The following C2orf78 variants were observed in gnomAD, a reference collection of about 807,000 sequenced individuals.
The protein encoded by C2orf78 is chromosome 2 open reading frame 78.
C2orf78 carries 12 observed loss-of-function variants against 21.4 expected under a neutral mutation model. The ratio of observed to expected loss-of-function variants is 0.56; its 90% CI spans 0.36 to 0.91. C2orf78 has a LOEUF of 0.91. Ranked by LOEUF, C2orf78 falls within the 40% of genes least tolerant of loss-of-function variation. The pLI is 0.01. For synonymous variants in C2orf78, 396 were observed against 413.9 expected, an observed-to-expected ratio of 0.96 and a Z score of 0.52; for missense variants, 1,042 against 1,092.4, an observed-to-expected ratio of 0.95 and a Z score of 0.65.
chr2:73,816,659 A>G (rs750487933), exon 3 of C2orf78: 3 of 1,613,868 alleles, frequency 1.9e-6, no homozygotes, highest in Admixed American at 1.7e-5. Flanking sequence ...CTTCTAGGCC[A>G]TCAGCCTACA....
At chr2:73,786,265 C>G (rs979000482) in intron 1 of C2orf78, among the ~76,000 whole-genome samples, 1 of 150,168 alleles carries the variant, frequency 6.7e-6, no homozygotes, top group African/African-American at 2.5e-5. Context: ...CTGTAATCCT[C>G]CTACTTGGGA....
exon 3 of C2orf78, chr2:73,817,073 TA>T: frequency 2.9e-6 from 4 of 1,363,372 alleles, no homozygotes; most frequent in South Asian, 1.8e-5. Context: ...TATTCTGATA[TA>T]TTTTTAAAAC....
exon 3 of C2orf78, chr2:73,815,381 A>G: frequency 6.2e-7 from 1 of 1,613,902 alleles, no homozygotes; most frequent in South Asian, 1.1e-5. Context: ...AAGATCCTCC[A>G]CTACTTCCTG....
At position 73,798,181 on chromosome 2, in the gene C2orf78, C is replaced by T. The variant is rs1355762459; in HGVS notation, c.97+13775C>T. Among the ~76,000 whole-genome samples the T allele has an allele frequency of 2.2e-5, 3 of 133,892 alleles. No individual in the cohort carries two copies. The East Asian group carries it at 6.3e-4, about 28-fold the overall frequency. 87.8% of individuals were successfully genotyped at this position (133,892 alleles called of 152,430 possible). ...CATTAAAAGCGGCAGTGGGGCCAGGCGCGGTGGCTCCCGCCTGTAATCCCA... is the reference window on the plus strand; with the variant it reads ...CATTAAAAGCGGCAGTGGGGCCAGGTGCGGTGGCTCCCGCCTGTAATCCCA... On this transcript the variant is annotated intron_variant, in intron 1 of 2. Coordinates refer to ENST00000409561, the Ensembl canonical transcript of C2orf78.
At chr2:73,815,469 G>A (rs760458331) in exon 3 of C2orf78, 2 of 1,613,770 alleles carry the variant, frequency 1.2e-6, no homozygotes, top group African/African-American at 2.7e-5. Context: ...TTCTGAAAAT[G>A]CCAATCTAAG....
At chr2:73,815,035 T>C in intron 2 of C2orf78, 36 bp from the exon 3 acceptor site, 1 of 1,571,032 alleles carries the variant, frequency 6.4e-7, no homozygotes, top group Non-Finnish European at 8.6e-7. Flanking sequence ...GCATCTCACT[T>C]ACCAGGGACT....
Position 73,815,413 on chromosome 2 carries a change from C to T in C2orf78, c.1190C>T (p.Pro397Leu), listed in dbSNP as rs373605162. The T allele has an allele frequency of 2.7e-5, 44 of 1,613,808 alleles. No individual in the cohort carries two copies. In the African/African-American group the frequency reaches 2.9e-4, roughly 11 times the overall value. ...CCTGTAGAAATCCCCGATATTCACC[C>T]GCTTCTGGCCTGCATTGATCCTCTT... Residue 397 changes from proline to leucine, a missense_variant, in exon 3 of 3, where the codon CCG (proline) becomes CTG (leucine). Physicochemically the swap from Pro to Leu is moderately conservative, Grantham distance 98 (BLOSUM62 -3). Around this residue, in one of 2 missense-constraint regions of C2orf78, gnomAD observed 1,039 missense variants for 1,069.7 expected, o/e 0.97. Transcript: ENST00000409561.
chr2:73,810,536 A>AAT (rs35269780), intron 1 of C2orf78, among the ~76,000 whole-genome samples: 6,053 of 135,446 alleles, frequency 0.045, 160 homozygotes, highest in Middle Eastern at 0.11. Flanking sequence ...TCAAAAAGAA[A>AAT]ATATATATAT....
intron 1 of C2orf78, among the ~76,000 whole-genome samples, chr2:73,809,565 G>A (rs544170530): frequency 1.2e-4 from 18 of 152,004 alleles, no homozygotes; most frequent in East Asian, 5.8e-4. Flanking sequence ...TGGGAGGATC[G>A]CTTTGGGCCT....
chr2:73,817,135 C>A, exon 3 of C2orf78: 5 of 867,660 alleles, frequency 5.8e-6, no homozygotes, highest in Non-Finnish European at 7.8e-6. Context: ...ATAAAGAGGC[C>A]TTTTGAGTTT....
Position 73,784,530 on chromosome 2 carries a change from G to A in C2orf78, c.97+124G>A, listed in dbSNP as rs1167759975. 20 of 618,706 alleles carry A rather than the reference G, an allele frequency of 3.2e-5. 1 individual carries two copies. The highest frequency in any genetic ancestry group is 4.8e-5 in the Non-Finnish European group (18 of 371,780). 38.3% of individuals were successfully genotyped at this position (618,706 alleles called of 1,614,324 possible). On this transcript the variant is annotated intron_variant, in intron 1 of 2. Transcript: ENST00000409561. ...GGGAAAGTATTGAAGTAGAAATCCA[G>A]AGACCTCATTTCAGTTTTGGCTTTG...
At chr2:73,813,793 G>T in exon 2 of C2orf78, 1 of 1,614,046 alleles carries the variant, frequency 6.2e-7, no homozygotes, top group Non-Finnish European at 8.5e-7. Context: ...CAGTAAAGAA[G>T]TCATCCTCAC....
At chr2:73,810,781 A>G (rs1449185701) in intron 1 of C2orf78, among the ~76,000 whole-genome samples, 2 of 120,962 alleles carry the variant, frequency 1.7e-5, no homozygotes, top group Admixed American at 1.0e-4. Context: ...TATAAAATAT[A>G]CATGTATATT....
chr2:73,810,124 T>TAG (rs1673048673), intron 1 of C2orf78, among the ~76,000 whole-genome samples: 3 of 152,208 alleles, frequency 2.0e-5, no homozygotes, highest in Admixed American at 2.0e-4. Flanking sequence ...CAGGCTAGAA[T>TAG]AGAGTATCCC....
intron 1 of C2orf78, among the ~76,000 whole-genome samples, chr2:73,809,845 G>C (rs1282193976): frequency 6.6e-6 from 1 of 152,126 alleles, no homozygotes; most frequent in Non-Finnish European, 1.5e-5. Flanking sequence ...TCTAAACTAG[G>C]TGGAAAGAGA....
At chr2:73,808,211 G>A (rs1672998550) in intron 1 of C2orf78, among the ~76,000 whole-genome samples, 1 of 150,980 alleles carries the variant, frequency 6.6e-6, no homozygotes, top group South Asian at 2.1e-4. Flanking sequence ...CCAAGATCAC[G>A]CCACTGCACT....
chr2:73,810,599 AAATATATATATTTTATATATATACAT>A (rs1228393032), intron 1 of C2orf78, among the ~76,000 whole-genome samples: 2 of 139,238 alleles, frequency 1.4e-5, no homozygotes, highest in African/African-American at 5.3e-5. Context: ...TATATACATA[AAATATATATATTTTATATATATACAT>A]AATATATATA....
intron 1 of C2orf78, among the ~76,000 whole-genome samples, chr2:73,813,173 C>T (rs757837898): frequency 1.2e-4 from 19 of 152,070 alleles, no homozygotes; most frequent in Admixed American, 3.9e-4. Flanking sequence ...CTATACTAGC[C>T]CAGATTCAAG....
intron 1 of C2orf78, among the ~76,000 whole-genome samples, chr2:73,808,145 T>A (rs1357757532): frequency 2.0e-5 from 3 of 150,854 alleles, no homozygotes; most frequent in Non-Finnish European, 4.4e-5. Flanking sequence ...TCCCAGCTAC[T>A]AAGGAGTCTG....
Sources: allele counts gnomAD v4.1 joint callset (sites outside exome capture counted in the v4.1 genomes callset), GRCh38; gene constraint gnomAD v4.1.1; regional missense constraint gnomAD v4.1.1; transcripts MANE v1.5; gene names NCBI Gene and HGNC (gene_info 2026-07-23, HGNC 2026-07-21).